PKP2: variants seen among roughly 807,000 people sequenced by gnomAD.
The protein encoded by PKP2 is plakophilin-2.
In PKP2, 73 loss-of-function variants were observed where a neutral mutation model predicts 83.4. The ratio of observed to expected loss-of-function variants is 0.88; its 90% confidence interval spans 0.72 to 1.06. The LOEUF (loss-of-function observed/expected upper bound fraction) is 1.06, where lower values mean the gene tolerates loss of function less well. Ranked by LOEUF, PKP2 falls within the 50% of genes least tolerant of loss-of-function variation. The pLI, the probability that PKP2 is intolerant of heterozygous loss-of-function variation, is 0.00. For synonymous variants in PKP2, 409 were observed against 430.4 expected (o/e 0.95, Z 0.62); for missense variants, 966 against 1,065.4 (o/e 0.91, Z 1.30).
intron 3 of PKP2, among the ~76,000 whole-genome samples, chr12:32,870,491 G>A (rs1277815380): frequency 6.6e-6 from 1 of 151,604 alleles, no homozygotes; most frequent in Non-Finnish European, 1.5e-5. Context: ...TATTTTTAAT[G>A]TGCCTCATGA....
intron 9 of PKP2, among the ~76,000 whole-genome samples, chr12:32,807,367 T>C (rs142396999): frequency 7.0e-4 from 107 of 152,310 alleles, no homozygotes; most frequent in African/African-American, 2.6e-3. Context: ...TTTTTCTGTT[T>C]TCCATTTGCT....
intron 10 of PKP2, among the ~76,000 whole-genome samples, chr12:32,796,526 G>A (rs1420592840): frequency 6.6e-6 from 1 of 151,970 alleles, no homozygotes; most frequent in Admixed American, 6.5e-5. Context: ...GGGACTACAG[G>A]CACCCGCCAC....
At chr12:32,896,416 C>T in intron 1 of PKP2, 93 bp downstream of exon 1, 1 of 994,274 alleles carries the variant, frequency 1.0e-6, no homozygotes, top group Non-Finnish European at 1.4e-6. Context: ...CACGGGGTCC[C>T]GCACTCCCAG....
intron 9 of PKP2, chr12:32,820,855 A>T (rs909133632): frequency 5.5e-5 from 10 of 181,440 alleles, no homozygotes; most frequent in African/African-American, 2.2e-4. Flanking sequence ...CTTCTTAACA[A>T]CACTATTGGG....
Position 32,878,982 on chromosome 12 carries a change from A to G in PKP2, c.274T>C (p.Leu92=), listed in dbSNP as rs773851296. 6 of 1,609,320 alleles carry G rather than the reference A, an allele frequency of 3.7e-6. No individual in the cohort carries two copies. The highest frequency in any genetic ancestry group is 2.2e-4 in the Middle Eastern group (1 of 4,466). ...CCTCCAACAAAATCATTTTCAACCA[A>G]GTGTAGGTTGTAGACATACTCAGGA... ...SVPEYVYNLH[L]VENDFVGGRS... is the part of the protein sequence containing the mutation. The change falls in exon 2 of 13, where the codon TTG becomes CTG. Residue 92 remains leucine, a synonymous_variant. Transcript: ENST00000340811.
intron 6 of PKP2, among the ~76,000 whole-genome samples, chr12:32,832,585 C>T (rs1355348077): frequency 6.6e-6 from 1 of 152,102 alleles, no homozygotes; most frequent in African/African-American, 2.4e-5. Context: ...AGCCAAATAA[C>T]TGAGGCTGAA....
intron 10 of PKP2, among the ~76,000 whole-genome samples, chr12:32,798,282 T>TG (rs1271229928): frequency 6.6e-6 from 1 of 151,492 alleles, no homozygotes. Flanking sequence ...TCAGTAGAGA[T>TG]GGGGTTTCTC....
intron 1 of PKP2, chr12:32,894,914 G>T (rs1293603175): frequency 6.6e-6 from 1 of 152,106 alleles, no homozygotes. Context: ...CAGCAGTTCT[G>T]TGTTTTCTAG....
In PKP2 at chr12:32,878,413, G is replaced by A. The variant is rs766360871; in HGVS notation, c.467C>T (p.Pro156Leu). The change falls in exon 3 of 13, where the codon CCG (proline) becomes CTG (leucine). Residue 156 changes from proline (P) to leucine (L), a missense_variant. Coordinates refer to ENST00000340811, the MANE Select transcript of PKP2 (RefSeq NM_001005242.3). ...GCTGTGCGTGTAGTGAGCCCTCTCC[G>A]GGCTGCTGTCAGGAGAAATCTCCAG... ...RRLEISPDSS[P>L]ERAHYTHSDY... 7.4e-6 allele frequency: 12 copies of A among 1,613,898 alleles called. No individual in the cohort carries two copies. Among genetic ancestry groups the A allele is most frequent in the East Asian group, 6.7e-5 (3 of 44,860 alleles).
chr12:32,866,324 A>G (rs1337320723), intron 4 of PKP2, among the ~76,000 whole-genome samples: 1 of 152,064 alleles, frequency 6.6e-6, no homozygotes, highest in Non-Finnish European at 1.5e-5. Flanking sequence ...AGGCCAAGGT[A>G]GCTGGCTCCT....
chr12:32,854,330 C>T (rs897468495), intron 4 of PKP2, among the ~76,000 whole-genome samples: 8 of 152,198 alleles, frequency 5.3e-5, no homozygotes, highest in Non-Finnish European at 7.3e-5. Context: ...AGATAAAGGC[C>T]GAAATCCGGC....
At chr12:32,821,255 A>G in intron 9 of PKP2, 101 bp downstream of exon 9, 1 of 1,105,142 alleles carries the variant, frequency 9.0e-7, no homozygotes, top group Non-Finnish European at 1.4e-6. Context: ...CTAAAATAAG[A>G]AACCTTTTTC....
intron 4 of PKP2, among the ~76,000 whole-genome samples, chr12:32,853,444 G>C (rs1956718761): frequency 7.0e-6 from 1 of 143,298 alleles, no homozygotes. Flanking sequence ...AAAACAACCT[G>C]TAATTCACGT....
At chr12:32,815,268 G>A (rs929510224) in intron 9 of PKP2, among the ~76,000 whole-genome samples, 1 of 152,060 alleles carries the variant, frequency 6.6e-6, no homozygotes, top group Non-Finnish European at 1.5e-5. Flanking sequence ...ATCGCCTTCC[G>A]AATGATGTTC....
At chr12:32,874,522 G>T (rs2137936282) in intron 3 of PKP2, among the ~76,000 whole-genome samples, 1 of 152,178 alleles carries the variant, frequency 6.6e-6, no homozygotes, top group Admixed American at 6.6e-5. Context: ...CTCAGGAAGA[G>T]ATTTCTTACT....
chr12:32,843,074 G>A, intron 5 of PKP2: 1 of 363,534 alleles, frequency 2.8e-6, no homozygotes, highest in South Asian at 2.0e-5. Flanking sequence ...CTGCCTCCCG[G>A]GTTCAAGTGA....
At chr12:32,861,422 T>C (rs1956796499) in intron 4 of PKP2, among the ~76,000 whole-genome samples, 1 of 152,024 alleles carries the variant, frequency 6.6e-6, no homozygotes, top group Admixed American at 6.6e-5. Context: ...AACTACAATG[T>C]ATGAAGAAAA....
At chr12:32,873,633 A>T (rs547609396) in intron 3 of PKP2, among the ~76,000 whole-genome samples, 4 of 150,220 alleles carry the variant, frequency 2.7e-5, no homozygotes, top group Admixed American at 6.6e-5. Context: ...GGGTTCAAGC[A>T]ATTTTCCTGC....
At chr12:32,807,846 A>G (rs923527004) in intron 9 of PKP2, among the ~76,000 whole-genome samples, 1 of 152,178 alleles carries the variant, frequency 6.6e-6, no homozygotes, top group Non-Finnish European at 1.5e-5. Context: ...AAGAATTTTA[A>G]ATATTGGCCC....
Sources: allele counts gnomAD v4.1 joint callset (sites outside exome capture counted in the v4.1 genomes callset), GRCh38; gene constraint gnomAD v4.1.1; transcripts MANE v1.5; gene names NCBI Gene and HGNC (gene_info 2026-07-23, HGNC 2026-07-21).